The following DCC variants were observed in gnomAD, a reference collection of about 807,000 sequenced individuals.
DCC encodes the protein DCC netrin 1 receptor, also known as netrin receptor DCC.
DCC carries 58 observed loss-of-function variants against 172.5 expected under a neutral mutation model. That is an observed-to-expected ratio of 0.34 (90% CI 0.27 to 0.42). The LOEUF (loss-of-function observed/expected upper bound fraction) is 0.42, where lower values mean the gene tolerates loss of function less well. Ranked by LOEUF, DCC falls within the 10% of genes least tolerant of loss-of-function variation. The probability of loss-of-function intolerance (pLI) is 1.00; values close to 1 mark genes in which losing one functional copy is unlikely to be tolerated. For missense variants in DCC, 1,740 were observed against 1,791.0 expected (o/e 0.97, Z 0.51); for synonymous variants, 709 against 644.5 (o/e 1.10, Z -1.52).
intron 25 of DCC, among the ~76,000 whole-genome samples, chr18:53,475,843 A>T (rs560088775): frequency 2.8e-4 from 42 of 152,136 alleles, no homozygotes; most frequent in Non-Finnish European, 4.7e-4. Context: ...TGCACTGTGC[A>T]CCTGGAAGAG....
intron 1 of DCC, among the ~76,000 whole-genome samples, chr18:52,601,363 C>A: frequency 6.6e-6 from 1 of 151,484 alleles, no homozygotes; most frequent in East Asian, 1.9e-4. Flanking sequence ...TTTTTTTCCC[C>A]TGTTTTGAAG....
intron 1 of DCC, among the ~76,000 whole-genome samples, chr18:52,366,768 G>T (rs904151351): frequency 2.0e-5 from 3 of 152,202 alleles, no homozygotes; most frequent in Non-Finnish European, 4.4e-5. Context: ...GCTGATTGGT[G>T]TATTTACAAT....
At chr18:52,382,225 C>A (rs968740695) in intron 1 of DCC, among the ~76,000 whole-genome samples, 3 of 152,054 alleles carry the variant, frequency 2.0e-5, no homozygotes, top group African/African-American at 7.2e-5. Context: ...AGGAAACAGA[C>A]AAATAAAATC....
chr18:52,559,269 A>T (rs948917828), intron 1 of DCC, among the ~76,000 whole-genome samples: 4 of 152,022 alleles, frequency 2.6e-5, no homozygotes, highest in Non-Finnish European at 1.5e-5. Context: ...GTGCCACCAC[A>T]TGTGGCTAAA....
chr18:53,182,984 T>G (rs1243124364), intron 9 of DCC, among the ~76,000 whole-genome samples: 5 of 152,184 alleles, frequency 3.3e-5, no homozygotes, highest in Non-Finnish European at 1.5e-5. Context: ...AAAATGATCT[T>G]ATCTTTTGAA....
intron 1 of DCC, among the ~76,000 whole-genome samples, chr18:52,577,370 G>T (rs755549287): frequency 6.6e-5 from 10 of 152,156 alleles, no homozygotes; most frequent in East Asian, 5.8e-4. Context: ...GCTTTTCATG[G>T]TGTCTTTTCA....
At chr18:53,427,777 A>G (rs1238157863) in intron 21 of DCC, among the ~76,000 whole-genome samples, 1 of 143,390 alleles carries the variant, frequency 7.0e-6, no homozygotes, top group African/African-American at 2.6e-5. Context: ...TAGAATTCAG[A>G]GGAGTAACCA....
intron 5 of DCC, chr18:52,931,675 T>C (rs1297061913): frequency 6.6e-6 from 1 of 152,148 alleles, no homozygotes; most frequent in East Asian, 1.9e-4. Flanking sequence ...TTTTTGGAGA[T>C]ATCTTTATTA....
intron 15 of DCC, among the ~76,000 whole-genome samples, chr18:53,354,152 C>T (rs1227994478): frequency 6.6e-6 from 1 of 152,168 alleles, no homozygotes; most frequent in Non-Finnish European, 1.5e-5. Context: ...TTTCTTAATC[C>T]ATTCTATCAT....
chr18:52,924,617 T>C (rs1178683022), intron 4 of DCC, among the ~76,000 whole-genome samples: 1 of 152,130 alleles, frequency 6.6e-6, no homozygotes, highest in African/African-American at 2.4e-5. Context: ...TGAGGACTGG[T>C]ATTCTCCTTT....
At chr18:52,902,336 A>G (rs1335359352) in intron 2 of DCC, among the ~76,000 whole-genome samples, 1 of 152,192 alleles carries the variant, frequency 6.6e-6, no homozygotes, top group Non-Finnish European at 1.5e-5. Context: ...TATTTTGACT[A>G]TGTTTGGAAT....
chr18:52,509,053 T>C (rs2031337940), intron 1 of DCC, among the ~76,000 whole-genome samples: 1 of 152,230 alleles, frequency 6.6e-6, no homozygotes, highest in African/African-American at 2.4e-5. Flanking sequence ...TGGAAAGACG[T>C]TTTTGAAGTA....
chr18:52,792,625 C>T (rs1265487785), intron 2 of DCC, among the ~76,000 whole-genome samples: 1 of 152,202 alleles, frequency 6.6e-6, no homozygotes, highest in East Asian at 1.9e-4. Flanking sequence ...TCCATGTTCT[C>T]TCCAGTAGGT....
chr18:52,716,120 A>T (rs2036378089), intron 1 of DCC, among the ~76,000 whole-genome samples: 1 of 152,180 alleles, frequency 6.6e-6, no homozygotes, highest in African/African-American at 2.4e-5. Context: ...TTTCTGACTC[A>T]TTCCTCTGCA....
intron 1 of DCC, among the ~76,000 whole-genome samples, chr18:52,518,402 A>G (rs942286345): frequency 6.6e-6 from 1 of 152,234 alleles, no homozygotes; most frequent in Non-Finnish European, 1.5e-5. Flanking sequence ...TCAAAGCAAG[A>G]GAAATATAAA....
At chr18:52,646,016 T>A (rs919975982) in intron 1 of DCC, among the ~76,000 whole-genome samples, 2 of 152,186 alleles carry the variant, frequency 1.3e-5, no homozygotes, top group Non-Finnish European at 2.9e-5. Context: ...TTTAGAGCCA[T>A]GATTTTGCTT....
intron 15 of DCC, among the ~76,000 whole-genome samples, chr18:53,357,544 A>G (rs1394765757): frequency 6.6e-6 from 1 of 152,234 alleles, no homozygotes. Context: ...TACCATGTAG[A>G]GAACATTTAT....
At chr18:52,986,838 A>G (rs1387778698) in intron 5 of DCC, among the ~76,000 whole-genome samples, 2 of 133,100 alleles carry the variant, frequency 1.5e-5, no homozygotes, top group Non-Finnish European at 3.1e-5. Context: ...ATATACATAC[A>G]CACACACACA....
intron 5 of DCC, among the ~76,000 whole-genome samples, chr18:52,988,635 A>C (rs1353033824): frequency 6.6e-6 from 1 of 152,134 alleles, no homozygotes; most frequent in African/African-American, 2.4e-5. Context: ...TTTTGCTCTC[A>C]AATATTTGTT....
Sources: allele counts gnomAD v4.1 joint callset (sites outside exome capture counted in the v4.1 genomes callset), GRCh38; gene constraint gnomAD v4.1.1; transcripts MANE v1.5; gene names NCBI Gene and HGNC (gene_info 2026-07-23, HGNC 2026-07-21).